LRRC37A2: variants seen among roughly 807,000 people sequenced by gnomAD.
LRRC37A2 encodes the protein leucine rich repeat containing 37 member A2.
Under a neutral mutation model 68.8 loss-of-function variants are expected in LRRC37A2, and 9 were observed. The ratio of observed to expected loss-of-function variants is 0.13; its 90% CI spans 0.08 to 0.23. The LOEUF (loss-of-function observed/expected upper bound fraction) is 0.23, where lower values mean the gene tolerates loss of function less well. LRRC37A2 is among the 10% of genes least tolerant of loss of function. The pLI is 1.00. For missense variants in LRRC37A2, 168 were observed against 950.4 expected (o/e 0.18, Z 10.82); for synonymous variants, 63 against 367.6 (o/e 0.17, Z 9.48).
At chr17:46,939,532 C>T in the LRRC37A2 span, 1 of 985,708 alleles carries the variant, frequency 1.0e-6, no homozygotes, top group Non-Finnish European at 1.2e-6. Context: ...CACCTGCGCC[C>T]AGGCTTTGTG....
chr17:46,816,111 G>A, the LRRC37A2 span, among the ~76,000 whole-genome samples: 3 of 35,176 alleles, frequency 8.5e-5, no homozygotes, highest in Non-Finnish European at 1.7e-4. Context: ...GCGCGCGCAC[G>A]TACACACACA....
At chr17:46,946,108 C>T in the LRRC37A2 span, among the ~76,000 whole-genome samples, 1 of 151,982 alleles carries the variant, frequency 6.6e-6, no homozygotes, top group East Asian at 1.9e-4. Context: ...AATCAATTCT[C>T]TGTCGTCACT....
the LRRC37A2 span, chr17:46,713,797 A>C: frequency 6.4e-7 from 1 of 1,567,282 alleles, no homozygotes; most frequent in South Asian, 1.2e-5. Context: ...AACTTGTTTT[A>C]TTTCCCTTTG....
chr17:46,851,460 G>A, the LRRC37A2 span: 2 of 328,924 alleles, frequency 6.1e-6, no homozygotes, highest in Non-Finnish European at 1.1e-5. This position sits in a 1 kb window ranked among gnomAD's most constrained non-coding sequence, Gnocchi z 4.3. Context: ...GGGCGAGGGC[G>A]GTGGGGCCAA....
chr17:46,619,790 A>C, the LRRC37A2 span, among the ~76,000 whole-genome samples: 1 of 87,728 alleles, frequency 1.1e-5, no homozygotes, highest in African/African-American at 4.8e-5. Flanking sequence ...AAAAAAAAAA[A>C]AAAAAACCCA....
chr17:46,642,517 AT>A, the LRRC37A2 span, among the ~76,000 whole-genome samples: 1 of 132,820 alleles, frequency 7.5e-6, no homozygotes, highest in Non-Finnish European at 1.5e-5. Flanking sequence ...CCTCTTGAGA[AT>A]TTTTAAACAT....
At chr17:46,883,840 AGAG>A in the LRRC37A2 span, among the ~76,000 whole-genome samples, 1 of 152,236 alleles carries the variant, frequency 6.6e-6, no homozygotes, top group African/African-American at 2.4e-5. Flanking sequence ...CATACCGCAA[AGAG>A]GAGGTTAATG....
chr17:46,883,194 G>A, the LRRC37A2 span, among the ~76,000 whole-genome samples: 17 of 152,024 alleles, frequency 1.1e-4, no homozygotes, highest in Admixed American at 3.9e-4. Context: ...ACGTTAGCCA[G>A]GATGGTCTTG....
chr17:47,013,624 A>G, the LRRC37A2 span, among the ~76,000 whole-genome samples: 1 of 152,124 alleles, frequency 6.6e-6, no homozygotes, highest in Non-Finnish European at 1.5e-5. Context: ...ATCACATCTT[A>G]TTTTCTGCTT....
the LRRC37A2 span, chr17:46,721,882 G>C: frequency 3.2e-6 from 5 of 1,584,466 alleles, no homozygotes; most frequent in East Asian, 1.1e-4. Flanking sequence ...TCCTCTGAGC[G>C]ATAAAGACGA....
the LRRC37A2 span, among the ~76,000 whole-genome samples, chr17:46,912,438 C>T: frequency 6.6e-6 from 1 of 152,210 alleles, no homozygotes; most frequent in South Asian, 2.1e-4. Context: ...GGCTTTCCAG[C>T]CCCTTTTATC....
chr17:46,941,468 C>T, the LRRC37A2 span: 3 of 976,970 alleles, frequency 3.1e-6, no homozygotes, highest in Middle Eastern at 5.2e-4. Flanking sequence ...TGGCCAGGGG[C>T]TGGGCTGGCT....
the LRRC37A2 span, among the ~76,000 whole-genome samples, chr17:46,761,462 G>A: frequency 1.3e-5 from 2 of 151,782 alleles, no homozygotes; most frequent in South Asian, 4.2e-4. Context: ...CTCTCAAGTA[G>A]CTGGGACTAC....
chr17:46,734,420 T>C, the LRRC37A2 span, among the ~76,000 whole-genome samples: 1 of 152,122 alleles, frequency 6.6e-6, no homozygotes, highest in South Asian at 2.1e-4. Context: ...TGCTTGACAG[T>C]TTAGTGGCCT....
At chr17:46,681,347 A>G in the LRRC37A2 span, among the ~76,000 whole-genome samples, 1 of 126,088 alleles carries the variant, frequency 7.9e-6, no homozygotes, top group Non-Finnish European at 1.7e-5. Flanking sequence ...AAAATTAGCC[A>G]GGCATGGTGG....
chr17:46,886,035 A>C, the LRRC37A2 span: 1 of 151,576 alleles, frequency 6.6e-6, no homozygotes, highest in Non-Finnish European at 1.5e-5. Context: ...GGGCCAACCC[A>C]CCCTCCCCAA....
chr17:46,839,956 C>CTTTCTTTCTTTCTTTCTTTCTT, the LRRC37A2 span, among the ~76,000 whole-genome samples: 4 of 147,298 alleles, frequency 2.7e-5, no homozygotes, highest in Middle Eastern at 3.5e-3. Context: ...TTCTTTCTTT[C>CTTTCTTTCTTTCTTTCTTTCTT]TTTCTTTCTT....
At chr17:46,492,684 GTTTTGTTTT>G in the LRRC37A2 span, among the ~76,000 whole-genome samples, 8 of 127,852 alleles carry the variant, frequency 6.3e-5, no homozygotes. Flanking sequence ...TCAGGGTTTT[GTTTTGTTTT>G]TTTTTTTTTT....
chr17:46,789,897 T>C, the LRRC37A2 span, among the ~76,000 whole-genome samples: 43 of 152,200 alleles, frequency 2.8e-4, no homozygotes, highest in Admixed American at 1.4e-3. Context: ...GATTCCACTC[T>C]CTACCTTTCA....
Sources: gnomAD v4.1 joint callset for allele counts (sites outside exome capture counted in the v4.1 genomes callset) on GRCh38, gnomAD v4.1.1 for gene constraint, Gnocchi (gnomAD v3.1) non-coding constraint, MANE v1.5 for transcripts, NCBI Gene and HGNC (gene_info 2026-07-23, HGNC 2026-07-21) for gene names.